Variants in CASZ1 observed in about 807,000 individuals in gnomAD.
CASZ1 encodes zinc finger protein castor homolog 1.
CASZ1 carries 28 observed loss-of-function variants against 135.2 expected under a neutral mutation model. That is an observed-to-expected ratio of 0.21 (90% confidence interval 0.15 to 0.28). The LOEUF is 0.28. Ranked by LOEUF, CASZ1 falls within the 10% of genes least tolerant of loss-of-function variation. The pLI is 1.00. For synonymous variants in CASZ1, 1,068 were observed against 1,073.4 expected (o/e 0.99, Z 0.10); for missense variants, 2,161 against 2,453.3 (o/e 0.88, Z 2.52).
Position 10,757,186 on chromosome 1 carries a change from C to G in CASZ1, c.-77+3515G>C, listed in dbSNP as rs1258471662. ...CTCCCCTAATGCATGAGACGTTAAC[C>G]CTCTCAAAGCCATGGGTCTTTCTTG... On this transcript the variant is annotated intron_variant, in intron 2 of 20. Transcript: ENST00000377022. This position sits in a 1 kb window ranked among gnomAD's most constrained non-coding sequence, Gnocchi z 4.6. Among the ~76,000 whole-genome samples, 2 of 152,148 alleles carry G rather than the reference C, an allele frequency of 1.3e-5. No individual in the cohort carries two copies. The highest frequency in any genetic ancestry group is 4.8e-5 in the African/African-American group (2 of 41,422).
chr1:10,651,423 C>T (rs1438884515), intron 11 of CASZ1: 1 of 181,540 alleles, frequency 5.5e-6, no homozygotes, highest in East Asian at 1.5e-4. Context: ...ATTAAAGACT[C>T]TGTTAATGCT....
At chr1:10,691,632 G>C (rs1289368522) in intron 4 of CASZ1, among the ~76,000 whole-genome samples, 1 of 152,226 alleles carries the variant, frequency 6.6e-6, no homozygotes, top group East Asian at 1.9e-4. Context: ...GCCCCGGCCA[G>C]AGACGAGGCC....
rs556100063 is a variant in CASZ1, at chr1:10,761,744, C to A, written c.-233-887G>T. On this transcript the variant is annotated intron_variant, in intron 1 of 20. Coordinates refer to ENST00000377022, the MANE Select transcript of CASZ1 (RefSeq NM_001079843.3). Reference sequence around the variant, plus strand: ...CATTTTTAGAAAAAAGGAGCTCATGCGCGTGCAAACACAAACACACAACCC... The same window carrying A: ...CATTTTTAGAAAAAAGGAGCTCATGAGCGTGCAAACACAAACACACAACCC... Among the ~76,000 whole-genome samples, 79 of 152,294 alleles carry A rather than the reference C, an allele frequency of 5.2e-4. 1 individual carries two copies. The highest frequency in any genetic ancestry group is 1.9e-3 in the African/African-American group (78 of 41,558).
rs1246413088 is a variant in CASZ1 at position 10,708,978 on chromosome 1, G to GT, written c.-76-3435_-76-3434insA. On this transcript the variant is annotated intron_variant, in intron 2 of 20. Coordinates refer to ENST00000377022, the MANE Select transcript of CASZ1 (RefSeq NM_001079843.3). ...AAGGGATGGAGGACGGGGAGGGGGG[G>GT]GGCCATGGGTGAGGGAGGGAGGGAG... 1.3e-4 allele frequency among the ~76,000 whole-genome samples: 18 copies of GT among 138,524 alleles called. No homozygotes were observed. In the East Asian group the frequency reaches 3.5e-3, roughly 27 times the overall value. The allele number at this position is 138,524 out of a possible 152,430, so 90.9% of individuals were successfully genotyped here.
intron 1 of CASZ1, among the ~76,000 whole-genome samples, chr1:10,787,055 T>C (rs934835637): frequency 7.2e-5 from 11 of 152,310 alleles, no homozygotes; most frequent in Middle Eastern, 3.4e-3. Context: ...TGATAAATTC[T>C]TCGTTACGTT....
At chr1:10,667,180 G>A (rs1487208379) in intron 4 of CASZ1, among the ~76,000 whole-genome samples, 1 of 152,218 alleles carries the variant, frequency 6.6e-6, no homozygotes, top group Non-Finnish European at 1.5e-5. Flanking sequence ...CCCTGAGGTG[G>A]ACTTGACTCA....
chr1:10,783,246 AGTGT>A (rs70997266), intron 1 of CASZ1, among the ~76,000 whole-genome samples: 75,852 of 147,844 alleles, frequency 0.51, 22,223 homozygotes, highest in Non-Finnish European at 0.69. Flanking sequence ...CCAGTGGAGA[AGTGT>A]GTGTGTGTGT....
chr1:10,652,696 G>A (rs1488827927), intron 11 of CASZ1: 1 of 152,286 alleles, frequency 6.6e-6, no homozygotes, highest in Non-Finnish European at 1.5e-5. Context: ...TGCAACTCCG[G>A]GGCTCTGGCC....
Position 10,650,956 on chromosome 1 carries a change from G to A in CASZ1, c.2801C>T (p.Thr934Ile). 1 of 1,602,838 alleles carries A rather than the reference G, an allele frequency of 6.2e-7. No individual in the cohort carries two copies. Among genetic ancestry groups the A allele is most frequent in the Non-Finnish European group, 8.5e-7 (1 of 1,177,272 alleles). The change falls in exon 12 of 21, where the codon ACT (threonine) becomes ATT (isoleucine). Residue 934 changes from threonine (T) to isoleucine (I), a missense_variant. By Grantham distance (89) the Thr-to-Ile change is moderately conservative. Coordinates refer to ENST00000377022, the MANE Select transcript of CASZ1 (RefSeq NM_001079843.3). ...EASQDRSLDLTVKEPSNESNG... is the reference protein window; with the variant it reads ...EASQDRSLDLIVKEPSNESNG... Reference sequence around the variant, plus strand: ...CTCGCCTCACCTGGGCTCCTTCACAGTCAGGTCTAGACTGCGGTCCTGGGA... The same window carrying A: ...CTCGCCTCACCTGGGCTCCTTCACAATCAGGTCTAGACTGCGGTCCTGGGA...
rs961534993 is a variant in CASZ1 at position 10,701,902 on chromosome 1, C to G, written c.-24+3590G>C. ...AGCCTGACAAGCCAGGCCTCAGTTT[C>G]TCCACCTCCCCCGGCCCATCCCCCG... is the stretch of plus-strand genomic sequence containing the variant. On this transcript the variant is annotated intron_variant, in intron 3 of 20. Coordinates refer to ENST00000377022, the MANE Select transcript of CASZ1 (RefSeq NM_001079843.3). This position sits in a 1 kb window ranked among gnomAD's most constrained non-coding sequence, Gnocchi z 6.3. Among the ~76,000 whole-genome samples the G allele has an allele frequency of 2.0e-5, 3 of 152,176 alleles. No individual in the cohort carries two copies. The highest frequency in any genetic ancestry group is 4.4e-5 in the Non-Finnish European group (3 of 68,014).
In CASZ1 at chr1:10,657,360, G is replaced by A. The variant is rs1440602278; in HGVS notation, c.1410-624C>T. ...GGCTCCCACAGCCTCGGTGACGGCCGGCCGTGGGGAGGCCACTCTGGAGAG... is the reference window on the plus strand; with the variant it reads ...GGCTCCCACAGCCTCGGTGACGGCCAGCCGTGGGGAGGCCACTCTGGAGAG... On this transcript the variant is annotated intron_variant, in intron 7 of 20. Coordinates refer to ENST00000377022, the MANE Select transcript of CASZ1 (RefSeq NM_001079843.3). This position sits in a 1 kb window ranked among gnomAD's most constrained non-coding sequence, Gnocchi z 5.7. Among the ~76,000 whole-genome samples the A allele has an allele frequency of 1.3e-5, 2 of 152,176 alleles. No individual in the cohort carries two copies. The highest frequency in any genetic ancestry group is 1.9e-4 in the East Asian group (1 of 5,176).
Position 10,665,579 on chromosome 1 carries a change from G to A in CASZ1, c.17-8C>T, listed in dbSNP as rs759988162. The A allele has an allele frequency of 6.5e-7, 1 of 1,548,024 alleles. No homozygotes were observed. Among genetic ancestry groups the A allele is most frequent in the Non-Finnish European group, 8.7e-7 (1 of 1,152,502 alleles). Reference sequence around the variant, plus strand: ...TGCACCGGGTGCCCTCAGCTGCAGGGATGGAGGAGAGCACGGAGGTCAGAG... The same window carrying A: ...TGCACCGGGTGCCCTCAGCTGCAGGAATGGAGGAGAGCACGGAGGTCAGAG... On this transcript the variant is annotated splice_region_variant and splice_polypyrimidine_tract_variant and intron_variant, in intron 4 of 20. Transcript: ENST00000377022.
rs1423840940 is a variant in CASZ1, at chr1:10,653,769, C to T, written c.2288G>A (p.Ser763Asn). Reference protein sequence around the residue: ...AATAATEAGPSATKPPNSKIS... With the variant: ...AATAATEAGPNATKPPNSKIS... ...CTTGCTGTTGGGAGGTTTGGTGGCA[C>T]TGGGCCCAGCCTCGGTGGCGGCAGT... Residue 763 changes from serine (S) to asparagine (N), a missense_variant, in exon 11 of 21, where the codon AGT (serine) becomes AAT (asparagine). This residue lies in a region of CASZ1 where 406 missense variants were observed against 387.6 expected (regional missense o/e 1.05). Coordinates refer to ENST00000377022, the MANE Select transcript of CASZ1 (RefSeq NM_001079843.3). 6.2e-7 allele frequency: 1 copy of T among 1,610,888 alleles called. No individual in the cohort carries two copies. The highest frequency in any genetic ancestry group is 1.7e-5 in the Admixed American group (1 of 59,772).
chr1:10,646,161 T>C lies in CASZ1; in HGVS notation c.3663A>G (p.Ala1221=), dbSNP rs1642357600. The change falls in exon 17 of 21, where the codon GCA becomes GCG. Residue 1221 remains alanine (A), a synonymous_variant. Coordinates refer to ENST00000377022, the MANE Select transcript of CASZ1 (RefSeq NM_001079843.3). The surrounding 1 kb of genome is among the most constrained non-coding windows in gnomAD (Gnocchi z 6.4). ...NNLVNVRDQF[A]YYSLQCLCPN... ...GACAGAGACACTGCAGAGAGTAGTA[T>C]GCAAACTGGTCTCGCACGTTCACCA... 4 of 1,614,018 alleles carry C rather than the reference T, an allele frequency of 2.5e-6. No homozygotes were observed. Among genetic ancestry groups the C allele is most frequent in the South Asian group, 1.1e-5 (1 of 91,078 alleles).
chr1:10,654,655 C>A, intron 9 of CASZ1, 64 bp from the exon 10 acceptor site: 1 of 1,518,264 alleles, frequency 6.6e-7, no homozygotes, highest in Non-Finnish European at 9.0e-7. Context: ...GAGGTCGACA[C>A]CACTGTGTGT....
In CASZ1 at chr1:10,666,932, G is replaced by A. The variant is rs977803046; in HGVS notation, c.17-1361C>T. On this transcript the variant is annotated intron_variant, in intron 4 of 20. Transcript: ENST00000377022. This position sits in a 1 kb window ranked among gnomAD's most constrained non-coding sequence, Gnocchi z 5.2. ...GCAGTGGCCACAGCAGCAGGGGCTC[G>A]GCTCACACTCACTGTGTACAAAACA... Among the ~76,000 whole-genome samples the A allele has an allele frequency of 3.3e-5, 5 of 152,212 alleles. No individual in the cohort carries two copies. Among genetic ancestry groups the A allele is most frequent in the African/African-American group, 1.2e-4 (5 of 41,448 alleles).
At position 10,679,206 on chromosome 1, in the gene CASZ1, T is replaced by C. The variant is rs915202965; in HGVS notation, c.17-13635A>G. Among the ~76,000 whole-genome samples the C allele has an allele frequency of 1.3e-5, 2 of 152,192 alleles. No homozygotes were observed. Among genetic ancestry groups the C allele is most frequent in the African/African-American group, 4.8e-5 (2 of 41,456 alleles). On this transcript the variant is annotated intron_variant, in intron 4 of 20. Coordinates refer to ENST00000377022, the MANE Select transcript of CASZ1 (RefSeq NM_001079843.3). This position sits in a 1 kb window ranked among gnomAD's most constrained non-coding sequence, Gnocchi z 4.7. ...GGGCCTGCTGCTTTTGATGAAAGCA[T>C]AGGCTGATCCTGGGAGCCTGCTGCC...
rs12752101 is a variant in CASZ1 at position 10,638,541 on chromosome 1, G to A, written c.*401C>T. 0.02 allele frequency: 3,097 copies of A among 152,124 alleles called. 55 individuals carry two copies. The highest frequency in any genetic ancestry group is 0.033 in the Non-Finnish European group (2,227 of 67,946). The allele number at this position is 152,124 out of a possible 1,614,324, so 9.4% of individuals were successfully genotyped here. ...CGCCAGCGGCTCCAGGAGCCACCCC[G>A]CCCTGGTGGCGCGCGGTGGGGGTCC... On this transcript the variant is annotated 3_prime_UTR_variant, in exon 21 of 21. Coordinates refer to ENST00000377022, the MANE Select transcript of CASZ1 (RefSeq NM_001079843.3). The surrounding 1 kb of genome is among the most constrained non-coding windows in gnomAD (Gnocchi z 5.9).
chr1:10,658,247 C>A, intron 7 of CASZ1: 1 of 482,622 alleles, frequency 2.1e-6, no homozygotes, highest in Non-Finnish European at 3.8e-6. Context: ...GTGGCCAGGC[C>A]CTGCGTCGGG....
Sources: allele counts gnomAD v4.1 joint callset (sites outside exome capture counted in the v4.1 genomes callset), GRCh38; gene constraint gnomAD v4.1.1; regional missense constraint gnomAD v4.1.1; non-coding constraint Gnocchi (gnomAD v3.1); transcripts MANE v1.5; gene names NCBI Gene and HGNC (gene_info 2026-07-23, HGNC 2026-07-21).